Variants in SLC25A21 observed in about 807,000 individuals in gnomAD.
SLC25A21 encodes mitochondrial 2-oxodicarboxylate carrier.
Under a neutral mutation model 43.8 loss-of-function variants are expected in SLC25A21, and 47 were observed. The observed-to-expected ratio is 1.07, with a 90% CI of 0.85 to 1.37. The LOEUF (loss-of-function observed/expected upper bound fraction) is 1.37, where lower values mean the gene tolerates loss of function less well. SLC25A21 is among the 40% of genes most tolerant of loss of function. SLC25A21 has a pLI of 0.00. For synonymous variants in SLC25A21, 131 were observed against 121.3 expected, an observed-to-expected ratio of 1.08 and a Z score of -0.52; for missense variants, 352 against 350.2, an observed-to-expected ratio of 1.00 and a Z score of -0.04.
intron 1 of SLC25A21, among the ~76,000 whole-genome samples, chr14:37,120,582 A>G (rs979557466): frequency 3.3e-5 from 5 of 152,192 alleles, no homozygotes; most frequent in Non-Finnish European, 7.3e-5. Context: ...CCCATGAAGC[A>G]TAAGGAGCAC....
At chr14:36,979,768 T>TA (rs1959977130) in intron 1 of SLC25A21, among the ~76,000 whole-genome samples, 1 of 152,206 alleles carries the variant, frequency 6.6e-6, no homozygotes, top group Non-Finnish European at 1.5e-5. Flanking sequence ...AACCCACCTT[T>TA]AAAAACTTTG....
intron 4 of SLC25A21, among the ~76,000 whole-genome samples, chr14:36,730,020 T>A (rs1013884309): frequency 6.6e-6 from 1 of 152,142 alleles, no homozygotes; most frequent in Non-Finnish European, 1.5e-5. Flanking sequence ...TATTGTGGTG[T>A]CTCCCCACTG....
intron 1 of SLC25A21, among the ~76,000 whole-genome samples, chr14:37,123,306 C>T (rs1172581342): frequency 6.6e-6 from 1 of 152,146 alleles, no homozygotes; most frequent in East Asian, 1.9e-4. Context: ...TCCTCGATTT[C>T]AGTCACCAAC....
At chr14:37,168,854 C>G (rs1964074441) in intron 1 of SLC25A21, among the ~76,000 whole-genome samples, 1 of 152,158 alleles carries the variant, frequency 6.6e-6, no homozygotes, top group Non-Finnish European at 1.5e-5. Flanking sequence ...ATAGACCAAG[C>G]AGGCAAGGTT....
intron 1 of SLC25A21, among the ~76,000 whole-genome samples, chr14:36,991,537 T>C (rs919954826): frequency 6.6e-6 from 1 of 152,188 alleles, no homozygotes; most frequent in Non-Finnish European, 1.5e-5. Flanking sequence ...AATTTTTGAA[T>C]GTGTAATTGT....
At chr14:36,727,186 A>G (rs894648855) in intron 5 of SLC25A21, among the ~76,000 whole-genome samples, 2 of 152,160 alleles carry the variant, frequency 1.3e-5, no homozygotes, top group African/African-American at 4.8e-5. Flanking sequence ...GCAACTTTTC[A>G]TTATTTACCC....
intron 1 of SLC25A21, among the ~76,000 whole-genome samples, chr14:37,017,845 T>G (rs1308446308): frequency 1.3e-5 from 2 of 151,938 alleles, no homozygotes; most frequent in East Asian, 3.9e-4. Context: ...AAGATAATAT[T>G]TTCCCCTTTT....
intron 2 of SLC25A21, among the ~76,000 whole-genome samples, chr14:36,857,421 A>C (rs1186832579): frequency 1.3e-5 from 2 of 152,184 alleles, no homozygotes; most frequent in African/African-American, 4.8e-5. Flanking sequence ...ATTTGTTTTT[A>C]TGAGCTCTCA....
chr14:36,966,520 C>T (rs1304649348), intron 1 of SLC25A21, among the ~76,000 whole-genome samples: 1 of 152,144 alleles, frequency 6.6e-6, no homozygotes, highest in Non-Finnish European at 1.5e-5. Context: ...AGGAAATCAG[C>T]ATCACGATCT....
chr14:36,928,654 A>G (rs541387324), intron 1 of SLC25A21, among the ~76,000 whole-genome samples: 4 of 152,310 alleles, frequency 2.6e-5, no homozygotes, highest in Admixed American at 2.6e-4. Flanking sequence ...TTTATTTGGC[A>G]TCCTACTGTG....
At chr14:36,836,159 T>C (rs141132823) in intron 2 of SLC25A21, among the ~76,000 whole-genome samples, 3 of 152,300 alleles carry the variant, frequency 2.0e-5, no homozygotes, top group African/African-American at 7.2e-5. Context: ...AAGTGTTAAG[T>C]ATAAAACGGG....
At chr14:36,766,872 G>A (rs1886435510) in intron 3 of SLC25A21, among the ~76,000 whole-genome samples, 1 of 152,176 alleles carries the variant, frequency 6.6e-6, no homozygotes, top group Non-Finnish European at 1.5e-5. Context: ...AGGATTACAT[G>A]AGATAATGCG....
intron 1 of SLC25A21, among the ~76,000 whole-genome samples, chr14:37,111,994 G>A (rs1378592786): frequency 6.6e-6 from 1 of 152,096 alleles, no homozygotes; most frequent in Non-Finnish European, 1.5e-5. Context: ...AATGATTCTG[G>A]CAATACTGTA....
chr14:36,841,892 T>C (rs1328921359), intron 2 of SLC25A21, among the ~76,000 whole-genome samples: 1 of 152,246 alleles, frequency 6.6e-6, no homozygotes, highest in Non-Finnish European at 1.5e-5. Context: ...CTGTGCTTTA[T>C]TTGTGCTGTT....
intron 1 of SLC25A21, among the ~76,000 whole-genome samples, chr14:37,046,222 C>T (rs768616959): frequency 5.9e-5 from 9 of 152,174 alleles, no homozygotes; most frequent in Non-Finnish European, 1.0e-4. Context: ...TTTGCCGACG[C>T]TCTCAAGCTT....
intron 1 of SLC25A21, among the ~76,000 whole-genome samples, chr14:37,026,016 T>G (rs1284229291): frequency 6.6e-6 from 1 of 152,022 alleles, no homozygotes; most frequent in African/African-American, 2.4e-5. Flanking sequence ...CCAGGTATAA[T>G]CCACTATGTT....
chr14:37,122,073 A>C (rs1158961827), intron 1 of SLC25A21, among the ~76,000 whole-genome samples: 1 of 152,184 alleles, frequency 6.6e-6, no homozygotes, highest in East Asian at 1.9e-4. Flanking sequence ...TTAATATGCT[A>C]ACATACATTG....
intron 4 of SLC25A21, among the ~76,000 whole-genome samples, chr14:36,733,496 C>T (rs1193546642): frequency 6.6e-6 from 1 of 152,082 alleles, no homozygotes. Flanking sequence ...TATTAAATTG[C>T]CACTTTGACA....
chr14:37,019,680 G>A (rs991808414), intron 1 of SLC25A21, among the ~76,000 whole-genome samples: 1 of 151,810 alleles, frequency 6.6e-6, no homozygotes, highest in Non-Finnish European at 1.5e-5. Context: ...GTGTGTAAGA[G>A]GATGTCAAAT....
Sources: allele counts gnomAD v4.1 joint callset (sites outside exome capture counted in the v4.1 genomes callset), GRCh38; gene constraint gnomAD v4.1.1; transcripts MANE v1.5; gene names NCBI Gene and HGNC (gene_info 2026-07-23, HGNC 2026-07-21).